AGBL1: variants seen among roughly 807,000 people sequenced by gnomAD.
AGBL1 encodes cytosolic carboxypeptidase 4.
A neutral mutation model predicts 118.9 loss-of-function variants in AGBL1; 130 were observed. The observed-to-expected ratio is 1.09, with a 90% confidence interval of 0.95 to 1.26. AGBL1 has a LOEUF of 1.26. AGBL1 is among the 50% of genes most tolerant of loss of function. The probability of loss-of-function intolerance (pLI) is 0.00; values close to 1 mark genes in which losing one functional copy is unlikely to be tolerated. For missense variants in AGBL1, 1,584 were observed against 1,298.1 expected, an observed-to-expected ratio of 1.22 and a Z score of -3.38; for synonymous variants, 555 against 478.9, an observed-to-expected ratio of 1.16 and a Z score of -2.08.
intron 17 of AGBL1, among the ~76,000 whole-genome samples, chr15:86,308,187 C>T (rs1006585604): frequency 1.2e-4 from 19 of 152,062 alleles, no homozygotes; most frequent in South Asian, 2.1e-4. Context: ...TGCTCTATAA[C>T]GAATTCCTAT....
At position 86,388,141 on chromosome 15, in the gene AGBL1, C is replaced by T. The variant is rs369659991; in HGVS notation, c.2375-9225C>T. On this transcript the variant is annotated intron_variant, in intron 17 of 22. Coordinates refer to ENST00000614907, the MANE Select transcript of AGBL1 (RefSeq NM_001386094.1). ...AAGATGGCTTGGGTGCAGACAAACC[C>T]TGCTCATCTGGGAAGGAATTGTGTC... is the stretch of plus-strand genomic sequence containing the variant. Among the ~76,000 whole-genome samples the T allele has an allele frequency of 1.4e-3, 216 of 152,274 alleles. 1 individual carries two copies. The highest frequency in any genetic ancestry group is 5.1e-3 in the African/African-American group (211 of 41,548).
At chr15:86,566,288 A>G (rs2142299461) in intron 21 of AGBL1, among the ~76,000 whole-genome samples, 1 of 152,266 alleles carries the variant, frequency 6.6e-6, no homozygotes, top group African/African-American at 2.4e-5. Flanking sequence ...TTTCTTGAGT[A>G]TGCACATTTT....
At chr15:86,119,284 T>G (rs1016387526) in intron 1 of AGBL1, among the ~76,000 whole-genome samples, 1 of 152,080 alleles carries the variant, frequency 6.6e-6, no homozygotes, top group Non-Finnish European at 1.5e-5. Flanking sequence ...GTCTCCTGAG[T>G]GAACTGGAAC....
At chr15:86,838,671 A>T (rs957339076) in intron 22 of AGBL1, among the ~76,000 whole-genome samples, 2 of 152,020 alleles carry the variant, frequency 1.3e-5, no homozygotes, top group African/African-American at 4.8e-5. Flanking sequence ...CAGGCATGGT[A>T]GCTCATGCCT....
At chr15:86,135,189 G>T (rs1157265677) in intron 1 of AGBL1, among the ~76,000 whole-genome samples, 6 of 152,122 alleles carry the variant, frequency 3.9e-5, no homozygotes, top group Non-Finnish European at 5.9e-5. Flanking sequence ...TGTTGAAAAG[G>T]CCTGGCACTT....
At chr15:86,332,684 T>G (rs1015615226) in intron 17 of AGBL1, among the ~76,000 whole-genome samples, 6 of 151,366 alleles carry the variant, frequency 4.0e-5, no homozygotes, top group African/African-American at 1.5e-4. Flanking sequence ...GACTCAAATT[T>G]GACACATTAC....
chr15:86,768,063 G>A (rs2078121698), intron 22 of AGBL1, among the ~76,000 whole-genome samples: 1 of 151,930 alleles, frequency 6.6e-6, no homozygotes, highest in Admixed American at 6.6e-5. Flanking sequence ...TGTCTGCCCT[G>A]ATCATGTTGC....
intron 22 of AGBL1, among the ~76,000 whole-genome samples, chr15:86,709,014 A>G (rs571771230): frequency 1.3e-5 from 2 of 152,252 alleles, no homozygotes; most frequent in South Asian, 4.1e-4. Context: ...AGCCCACTTA[A>G]CTAAAAGGTA....
At chr15:86,464,631 T>A (rs1016641933) in intron 18 of AGBL1, among the ~76,000 whole-genome samples, 1 of 152,230 alleles carries the variant, frequency 6.6e-6, no homozygotes, top group Non-Finnish European at 1.5e-5. Context: ...CCTAGTTTAT[T>A]GAGAGTTTTT....
chr15:86,581,565 C>T (rs529560879), intron 21 of AGBL1, among the ~76,000 whole-genome samples: 1 of 152,274 alleles, frequency 6.6e-6, no homozygotes, highest in East Asian at 1.9e-4. Context: ...CATTTGAAAT[C>T]TCATTTACCA....
At chr15:86,991,871 T>G (rs537865211) in intron 24 of AGBL1, among the ~76,000 whole-genome samples, 1 of 152,262 alleles carries the variant, frequency 6.6e-6, no homozygotes, top group African/African-American at 2.4e-5. Flanking sequence ...CCTGAAACAA[T>G]TGTATTAGTT....
chr15:86,383,335 C>A (rs2081139354), intron 17 of AGBL1, among the ~76,000 whole-genome samples: 1 of 150,620 alleles, frequency 6.6e-6, no homozygotes, highest in Non-Finnish European at 1.5e-5. Flanking sequence ...CACCTGGAAT[C>A]CCAGCACTTT....
intron 22 of AGBL1, among the ~76,000 whole-genome samples, chr15:86,696,168 G>A (rs1401021417): frequency 6.6e-6 from 1 of 151,966 alleles, no homozygotes. Context: ...GCCTAGTGCT[G>A]TCAGTGGAGT....
At chr15:86,492,094 A>G (rs1233175233) in intron 18 of AGBL1, among the ~76,000 whole-genome samples, 1 of 152,070 alleles carries the variant, frequency 6.6e-6, no homozygotes, top group Non-Finnish European at 1.5e-5. Context: ...TAGTGAGGGA[A>G]ATTTGTATAA....
In AGBL1 at chr15:86,294,723, T is replaced by C. The variant is rs573670592; in HGVS notation, c.2221-532T>C. Among the ~76,000 whole-genome samples the C allele has an allele frequency of 2.0e-5, 3 of 152,316 alleles. No individual in the cohort carries two copies. The South Asian group carries it at 6.2e-4, about 32-fold the overall frequency. Reference sequence around the variant, plus strand: ...TTTTTAATTTTAAGGAAGGCATGCTTAGATTTGTCTCTTTTCTTTTTAAAT... The same window carrying C: ...TTTTTAATTTTAAGGAAGGCATGCTCAGATTTGTCTCTTTTCTTTTTAAAT... On this transcript the variant is annotated intron_variant, in intron 16 of 22. Coordinates refer to ENST00000614907, the MANE Select transcript of AGBL1 (RefSeq NM_001386094.1).
chr15:86,601,764 C>A (rs577209285), intron 21 of AGBL1, among the ~76,000 whole-genome samples: 1 of 152,116 alleles, frequency 6.6e-6, no homozygotes, highest in East Asian at 1.9e-4. Flanking sequence ...TTTCTCCAAT[C>A]CCTTCTATAT....
At chr15:86,559,385 A>G (rs1234502383) in intron 21 of AGBL1, among the ~76,000 whole-genome samples, 1 of 152,142 alleles carries the variant, frequency 6.6e-6, no homozygotes, top group Non-Finnish European at 1.5e-5. Flanking sequence ...CTGTCTCCAT[A>G]TTGCCATGTG....
chr15:86,704,361 T>A (rs1567131216), intron 22 of AGBL1, among the ~76,000 whole-genome samples: 1 of 152,036 alleles, frequency 6.6e-6, no homozygotes, highest in Admixed American at 6.6e-5. Flanking sequence ...CCCTACAGAA[T>A]AGGAGAAAAT....
chr15:86,397,315 A>T, intron 17 of AGBL1, 51 bp from the exon 18 acceptor site: 2 of 1,296,326 alleles, frequency 1.5e-6, no homozygotes, highest in Non-Finnish European at 2.0e-6. Flanking sequence ...ACTATAAAAT[A>T]GAGCAATATT....
Sources: gnomAD v4.1 joint callset for allele counts (sites outside exome capture counted in the v4.1 genomes callset) on GRCh38, gnomAD v4.1.1 for gene constraint, MANE v1.5 for transcripts, NCBI Gene and HGNC (gene_info 2026-07-23, HGNC 2026-07-21) for gene names.